Variants in NALF1 observed in about 807,000 individuals in gnomAD.
The protein encoded by NALF1 is family with sequence similarity 155 member A.
A neutral mutation model predicts 48.4 loss-of-function variants in NALF1; 3 were observed. That is an observed-to-expected ratio of 0.06 (90% CI 0.03 to 0.16). The LOEUF (loss-of-function observed/expected upper bound fraction) is 0.16, where lower values mean the gene tolerates loss of function less well. NALF1 is among the 10% of genes least tolerant of loss of function. The pLI is 1.00. For missense variants in NALF1, 526 were observed against 571.5 expected, an observed-to-expected ratio of 0.92 and a Z score of 0.81; for synonymous variants, 262 against 245.7, an observed-to-expected ratio of 1.07 and a Z score of -0.62.
chr13:107,437,981 T>C (rs1884490082), intron 1 of NALF1, among the ~76,000 whole-genome samples: 1 of 152,214 alleles, frequency 6.6e-6, no homozygotes, highest in South Asian at 2.1e-4. Context: ...AATGTATGTA[T>C]ATAAAACAAA....
Position 107,350,718 on chromosome 13 carries a change from A to G in NALF1, c.916-139963T>C, listed in dbSNP as rs181608401. ...TTTCCTTACTAGAGGTATTATTTTG[A>G]TTGTGGATTTTTAGGCTATTGCAGT... On this transcript the variant is annotated intron_variant, in intron 1 of 2. Coordinates refer to ENST00000375915, the MANE Select transcript of NALF1 (RefSeq NM_001080396.3). 1.8e-3 allele frequency among the ~76,000 whole-genome samples: 281 copies of G among 152,028 alleles called. 2 individuals carry two copies. The highest frequency in any genetic ancestry group is 6.5e-3 in the African/African-American group (269 of 41,442).
intron 1 of NALF1, among the ~76,000 whole-genome samples, chr13:107,452,134 T>C (rs928224931): frequency 6.6e-6 from 1 of 152,130 alleles, no homozygotes; most frequent in Non-Finnish European, 1.5e-5. Flanking sequence ...TGGATGGGTG[T>C]TTCCTAGCTC....
At chr13:107,777,932 G>A (rs1358942674) in intron 1 of NALF1, among the ~76,000 whole-genome samples, 1 of 152,160 alleles carries the variant, frequency 6.6e-6, no homozygotes, top group Non-Finnish European at 1.5e-5. Context: ...CATACTCCCA[G>A]AAATGTTCTT....
In NALF1 at chr13:107,302,477, T is replaced by C. The variant is rs570041441; in HGVS notation, c.916-91722A>G. On this transcript the variant is annotated intron_variant, in intron 1 of 2. Coordinates refer to ENST00000375915, the MANE Select transcript of NALF1 (RefSeq NM_001080396.3). ...TTCCATGTTTGCTTGAAGAATTTGC[T>C]GAATTATAAGCTGTGATGCAGTGGT... 1.1e-4 allele frequency among the ~76,000 whole-genome samples: 16 copies of C among 152,196 alleles called. No homozygotes were observed. In the Middle Eastern group the frequency reaches 0.017, roughly 162 times the overall value.
chr13:107,296,422 T>C (rs116244630), intron 1 of NALF1, among the ~76,000 whole-genome samples: 7,715 of 152,172 alleles, frequency 0.051, 270 homozygotes, highest in Admixed American at 0.1. Flanking sequence ...TATTCTTCAG[T>C]AAAATTAAAA....
At chr13:107,295,583 C>G (rs1881709930) in intron 1 of NALF1, among the ~76,000 whole-genome samples, 1 of 152,150 alleles carries the variant, frequency 6.6e-6, no homozygotes, top group East Asian at 1.9e-4. Context: ...CTTCCCAGAG[C>G]TGGCATGGCT....
intron 2 of NALF1, among the ~76,000 whole-genome samples, chr13:107,194,106 CTG>C (rs927524782): frequency 2.0e-5 from 3 of 151,892 alleles, no homozygotes; most frequent in Admixed American, 2.0e-4. Context: ...ATGTTTATCT[CTG>C]GATTTTTCAG....
chr13:107,392,396 C>G (rs532150108), intron 1 of NALF1, among the ~76,000 whole-genome samples: 1 of 152,262 alleles, frequency 6.6e-6, no homozygotes, highest in East Asian at 1.9e-4. Flanking sequence ...TCAATCTCTT[C>G]AGCTGCTCCA....
intron 1 of NALF1, among the ~76,000 whole-genome samples, chr13:107,698,175 G>T (rs1881739698): frequency 6.6e-6 from 1 of 151,978 alleles, no homozygotes; most frequent in Non-Finnish European, 1.5e-5. Context: ...TGTTTAACCT[G>T]GTGATAGAAA....
At chr13:107,826,133 AAGGG>A (rs1474141805) in intron 1 of NALF1, among the ~76,000 whole-genome samples, 3 of 152,230 alleles carry the variant, frequency 2.0e-5, no homozygotes, top group Admixed American at 6.5e-5. Flanking sequence ...TGGTCTTTTA[AAGGG>A]AGCCACATTA....
intron 1 of NALF1, among the ~76,000 whole-genome samples, chr13:107,621,492 C>G (rs1174262977): frequency 6.6e-6 from 1 of 152,166 alleles, no homozygotes; most frequent in Non-Finnish European, 1.5e-5. Flanking sequence ...GAAGAACAGT[C>G]CTAGCAACTA....
intron 1 of NALF1, among the ~76,000 whole-genome samples, chr13:107,696,365 G>C (rs1018967690): frequency 6.6e-6 from 1 of 152,174 alleles, no homozygotes; most frequent in Non-Finnish European, 1.5e-5. Flanking sequence ...ACATCCATTT[G>C]ATAAAGTGTG....
At chr13:107,791,745 G>C (rs1392733395) in intron 1 of NALF1, among the ~76,000 whole-genome samples, 3 of 151,552 alleles carry the variant, frequency 2.0e-5, no homozygotes, top group Non-Finnish European at 4.4e-5. Context: ...GAGGTCAGGA[G>C]TTCCAGACCA....
At chr13:107,738,734 T>A (rs1237898518) in intron 1 of NALF1, among the ~76,000 whole-genome samples, 1 of 151,638 alleles carries the variant, frequency 6.6e-6, no homozygotes, top group Non-Finnish European at 1.5e-5. Flanking sequence ...TGGTGTGATC[T>A]CGGCTCACTG....
At chr13:107,618,539 A>G (rs1879440136) in intron 1 of NALF1, among the ~76,000 whole-genome samples, 1 of 152,162 alleles carries the variant, frequency 6.6e-6, no homozygotes, top group South Asian at 2.1e-4. Context: ...AAGACAGGAG[A>G]CCACTTTGAA....
intron 1 of NALF1, among the ~76,000 whole-genome samples, chr13:107,373,195 T>C (rs576144658): frequency 6.6e-6 from 1 of 152,316 alleles, no homozygotes; most frequent in Non-Finnish European, 1.5e-5. Flanking sequence ...CTTCCTTTCA[T>C]TCTTCATTAA....
At chr13:107,553,045 T>A (rs1188810166) in intron 1 of NALF1, among the ~76,000 whole-genome samples, 1 of 152,074 alleles carries the variant, frequency 6.6e-6, no homozygotes, top group Non-Finnish European at 1.5e-5. Context: ...CAGGCTCAGC[T>A]CTCATAAATA....
chr13:107,856,132 C>T (rs1880436020), intron 1 of NALF1, among the ~76,000 whole-genome samples: 1 of 152,148 alleles, frequency 6.6e-6, no homozygotes, highest in African/African-American at 2.4e-5. Context: ...ATCTCAAACT[C>T]CTGAACTCAA....
intron 1 of NALF1, among the ~76,000 whole-genome samples, chr13:107,321,284 A>T (rs1882250158): frequency 6.6e-6 from 1 of 152,152 alleles, no homozygotes; most frequent in Non-Finnish European, 1.5e-5. Context: ...AGGCTGGCTA[A>T]AGGAACAGAA....
Sources: gnomAD v4.1 joint callset for allele counts (sites outside exome capture counted in the v4.1 genomes callset) on GRCh38, gnomAD v4.1.1 for gene constraint, MANE v1.5 for transcripts, NCBI Gene and HGNC (gene_info 2026-07-23, HGNC 2026-07-21) for gene names.